The following RBAK variants were observed in gnomAD, a reference collection of about 807,000 sequenced individuals.
RBAK encodes the protein RB-associated KRAB zinc finger protein.
A neutral mutation model predicts 65.8 loss-of-function variants in RBAK; 39 were observed. The ratio of observed to expected loss-of-function variants is 0.59; its 90% CI spans 0.46 to 0.77. RBAK has a LOEUF of 0.77. RBAK is among the 30% of genes least tolerant of loss of function. RBAK has a pLI of 0.00. For synonymous variants in RBAK, 343 were observed against 289.7 expected (o/e 1.18, Z -1.87); for missense variants, 884 against 855.1 (o/e 1.03, Z -0.42).
chr7:5,063,033 C>T (rs1779115730), intron 4 of RBAK, among the ~76,000 whole-genome samples: 1 of 152,184 alleles, frequency 6.6e-6, no homozygotes, highest in Non-Finnish European at 1.5e-5. Context: ...CGACATACAT[C>T]CTCCTCAGCT....
rs11542107 is a variant in RBAK at position 5,066,364 on chromosome 7, A to C, written c.*763A>C. ...AGGCAGTCGTTTTGTAAAGTTTTCAACTGCATCTGAGTAAGATAAGATTTT... is the reference window on the plus strand; with the variant it reads ...AGGCAGTCGTTTTGTAAAGTTTTCACCTGCATCTGAGTAAGATAAGATTTT... On this transcript the variant is annotated 3_prime_UTR_variant, in exon 5 of 5. Transcript: ENST00000396912. 15,155 of 152,246 alleles carry C rather than the reference A, an allele frequency of 0.1. 925 individuals carry two copies. The highest frequency in any genetic ancestry group is 0.21 in the South Asian group (991 of 4,818). The allele number at this position is 152,246 out of a possible 1,614,324, so 9.4% of individuals were successfully genotyped here. A position where few individuals can be genotyped will look rare whatever the true frequency, so the allele number is the denominator to read the frequency against.
chr7:5,063,630 C>T, intron 4 of RBAK, 65 bp from the exon 5 acceptor site: 1 of 1,314,842 alleles, frequency 7.6e-7, no homozygotes, highest in East Asian at 2.5e-5. Flanking sequence ...CTCTTGAATA[C>T]CAGTACCTTT....
chr7:5,056,745 A>G (rs1468917201), intron 2 of RBAK, among the ~76,000 whole-genome samples: 1 of 152,170 alleles, frequency 6.6e-6, no homozygotes, highest in Non-Finnish European at 1.5e-5. Flanking sequence ...TGAGAATAAA[A>G]GAGCCAAAAG....
At chr7:5,061,447 C>CTTT (rs199823841) in intron 4 of RBAK, among the ~76,000 whole-genome samples, 17 of 113,662 alleles carry the variant, frequency 1.5e-4, no homozygotes, top group African/African-American at 3.9e-4. Flanking sequence ...TTTTGTTTTT[C>CTTT]TTTTTCTTTT....
chr7:5,061,651 A>G (rs58033271), intron 4 of RBAK, among the ~76,000 whole-genome samples: 14,583 of 150,764 alleles, frequency 0.097, 1,076 homozygotes, highest in East Asian at 0.4. Context: ...TAATCCCAGC[A>G]CTTTGGGAGG....
At chr7:5,057,218 T>C in intron 2 of RBAK, 77 bp from the exon 3 acceptor site, 1 of 1,608,976 alleles carries the variant, frequency 6.2e-7, no homozygotes, top group Non-Finnish European at 8.5e-7. Flanking sequence ...TGGTTAACTT[T>C]ACCGGTGGGC....
At chr7:5,052,896 A>G (rs1788148329) in intron 2 of RBAK, among the ~76,000 whole-genome samples, 1 of 152,058 alleles carries the variant, frequency 6.6e-6, no homozygotes, top group Admixed American at 6.6e-5. Flanking sequence ...GGTAGCTGGG[A>G]TTACAGACAC....
chr7:5,064,540 C>T lies in RBAK; in HGVS notation c.1084C>T (p.Leu362=). 1 of 1,613,686 alleles carries T rather than the reference C, an allele frequency of 6.2e-7. No individual in the cohort carries two copies. The highest frequency in any genetic ancestry group is 1.1e-5 in the South Asian group (1 of 91,048). The change falls in exon 5 of 5, where the codon CTG becomes TTG. Residue 362 remains leucine (L), a synonymous_variant. Transcript: ENST00000396912. The surrounding 1 kb of genome is among the most constrained non-coding windows in gnomAD (Gnocchi z 6.3). ...KTFCQKTHLT[L]HQRNHSGERP... ...CTTCTGCCAAAAGACACATCTCACC[C>T]TGCACCAGAGGAATCATTCAGGAGA...
intron 2 of RBAK, among the ~76,000 whole-genome samples, chr7:5,055,061 C>A (rs755385589): frequency 6.6e-6 from 1 of 152,060 alleles, no homozygotes; most frequent in Non-Finnish European, 1.5e-5. Context: ...AGATTACAGG[C>A]GTGAGCCACC....
rs765590837 is a variant in RBAK, at chr7:5,064,030, G to A, written c.574G>A (p.Glu192Lys). The change falls in exon 5 of 5, where the codon GAA becomes AAA. Residue 192 changes from glutamate to lysine, a missense_variant. By Grantham distance (56) the Glu-to-Lys change is moderately conservative. Transcript: ENST00000396912. The surrounding 1 kb of genome is among the most constrained non-coding windows in gnomAD (Gnocchi z 6.3). ...TGGGGATACCTATTCTCACAATGAA[G>A]AAAATATTCTTCAGAAAATTAGTAT... is the stretch of plus-strand genomic sequence containing the variant. Reference protein sequence around the residue: ...QNGDTYSHNEENILQKISILE... With the variant: ...QNGDTYSHNEKNILQKISILE... 4 of 1,613,198 alleles carry A rather than the reference G, an allele frequency of 2.5e-6. No individual in the cohort carries two copies. The East Asian group carries it at 8.9e-5, about 36-fold the overall frequency.
chr7:5,063,561 G>T lies in RBAK; in HGVS notation c.239-134G>T, dbSNP rs574149729. On this transcript the variant is annotated intron_variant, in intron 4 of 4. Coordinates refer to ENST00000396912, the MANE Select transcript of RBAK (RefSeq NM_021163.4). ...AAAGGAAAAAGAGAACTATGCATTT[G>T]TAATTATTTTTATTTATGGAGATTG... The T allele has an allele frequency of 1.7e-4, 108 of 626,372 alleles. 1 individual carries two copies. The African/African-American group carries it at 1.8e-3, about 11-fold the overall frequency. 38.8% of individuals were successfully genotyped at this position (626,372 alleles called of 1,614,324 possible).
intron 4 of RBAK, among the ~76,000 whole-genome samples, chr7:5,058,506 C>A (rs564422233): frequency 6.6e-5 from 10 of 152,308 alleles, no homozygotes; most frequent in African/African-American, 2.4e-4. Context: ...TTTCTGCCCT[C>A]GATTTTATTT....
chr7:5,053,031 A>T (rs1319443858), intron 2 of RBAK, among the ~76,000 whole-genome samples: 1 of 152,234 alleles, frequency 6.6e-6, no homozygotes, highest in Non-Finnish European at 1.5e-5. Flanking sequence ...AAGTGCTGGG[A>T]TTACAGGTGT....
At position 5,064,266 on chromosome 7, in the gene RBAK, C is replaced by G; in HGVS notation, c.810C>G (p.Phe270Leu). ...AATGCAGTGAATGTGGAAAATCCTT[C>G]TGTAAAAAGTCAAAATTCATCATCC... ...PFECSECGKS[F>L]CKKSKFIIHQ... The change falls in exon 5 of 5, where the codon TTC becomes TTG. Residue 270 changes from phenylalanine to leucine, a missense_variant. Phe to Leu is a conservative substitution (Grantham distance 22). Coordinates refer to ENST00000396912, the MANE Select transcript of RBAK (RefSeq NM_021163.4). The surrounding 1 kb of genome is among the most constrained non-coding windows in gnomAD (Gnocchi z 6.3). 1 of 1,614,108 alleles carries G rather than the reference C, an allele frequency of 6.2e-7. No homozygotes were observed. Among genetic ancestry groups the G allele is most frequent in the Non-Finnish European group, 8.5e-7 (1 of 1,179,978 alleles).
chr7:5,060,297 C>T (rs968369528), intron 4 of RBAK, among the ~76,000 whole-genome samples: 3 of 152,148 alleles, frequency 2.0e-5, no homozygotes, highest in African/African-American at 4.8e-5. Flanking sequence ...TTCTGAACCA[C>T]AGATTCTGAT....
intron 2 of RBAK, among the ~76,000 whole-genome samples, chr7:5,053,346 T>C (rs1325767895): frequency 1.3e-5 from 2 of 152,222 alleles, no homozygotes; most frequent in Admixed American, 1.3e-4. Flanking sequence ...AGAAATCTGA[T>C]CTCATATTCA....
At chr7:5,058,556 C>T (rs900174512) in intron 4 of RBAK, among the ~76,000 whole-genome samples, 4 of 152,190 alleles carry the variant, frequency 2.6e-5, no homozygotes, top group Non-Finnish European at 5.9e-5. Context: ...TCATCCTCCA[C>T]CTATGCTTGT....
rs1779242266 is a variant in RBAK at position 5,067,234 on chromosome 7, T to G, written c.*1633T>G. The G allele has an allele frequency of 1.3e-5, 2 of 152,108 alleles. No homozygotes were observed. The highest frequency in any genetic ancestry group is 4.8e-5 in the African/African-American group (2 of 41,434). 9.4% of individuals were successfully genotyped at this position (152,108 alleles called of 1,614,324 possible). A position where few individuals can be genotyped will look rare whatever the true frequency, so the allele number is the denominator to read the frequency against. ...GAAGAGAAACAAAAGGCATAGAGAT[T>G]AGAAAAGAAGTAAAACTTTAAAAAC... On this transcript the variant is annotated 3_prime_UTR_variant, in exon 5 of 5. Transcript: ENST00000396912.
At chr7:5,051,331 T>C (rs1295671740) in intron 2 of RBAK, among the ~76,000 whole-genome samples, 1 of 152,280 alleles carries the variant, frequency 6.6e-6, no homozygotes, top group African/African-American at 2.4e-5. Flanking sequence ...TATATACATA[T>C]ATGTGTGTAC....
Sources: gnomAD v4.1 joint callset for allele counts (sites outside exome capture counted in the v4.1 genomes callset) on GRCh38, gnomAD v4.1.1 for gene constraint, Gnocchi (gnomAD v3.1) non-coding constraint, MANE v1.5 for transcripts, NCBI Gene and HGNC (gene_info 2026-07-23, HGNC 2026-07-21) for gene names.